The following CDH8 variants were observed in gnomAD, a reference collection of about 807,000 sequenced individuals.
The protein encoded by CDH8 is cadherin-8.
Under a neutral mutation model 68.1 loss-of-function variants are expected in CDH8, and 17 were observed. That is an observed-to-expected ratio of 0.25 (90% CI 0.17 to 0.37). The LOEUF is 0.37. CDH8 is among the 10% of genes least tolerant of loss of function. CDH8 has a pLI of 1.00. For missense variants in CDH8, 763 were observed against 999.3 expected, an observed-to-expected ratio of 0.76 and a Z score of 3.19; for synonymous variants, 372 against 365.1, an observed-to-expected ratio of 1.02 and a Z score of -0.21.
chr16:61,742,107 T>C (rs1292773932), intron 8 of CDH8, among the ~76,000 whole-genome samples: 1 of 152,168 alleles, frequency 6.6e-6, no homozygotes, highest in African/African-American at 2.4e-5. Context: ...TTGCATCAGA[T>C]TGTTTTGCTA....
At chr16:61,960,029 C>CATACATATATGTGTGTGTAT (rs1175040440) in intron 2 of CDH8, among the ~76,000 whole-genome samples, 1 of 104,940 alleles carries the variant, frequency 9.5e-6, no homozygotes, top group African/African-American at 4.3e-5. Flanking sequence ...CACATACACA[C>CATACATATATGTGTGTGTAT]ACACACACAA....
chr16:61,881,953 A>G (rs1963586849), intron 3 of CDH8, among the ~76,000 whole-genome samples: 1 of 152,184 alleles, frequency 6.6e-6, no homozygotes, highest in Admixed American at 6.5e-5. Context: ...TTCCCCCTTT[A>G]AATTGGCTTC....
chr16:61,887,091 A>G (rs13335770), intron 3 of CDH8, among the ~76,000 whole-genome samples: 31,558 of 152,148 alleles, frequency 0.21, 3,661 homozygotes, highest in African/African-American at 0.32. Context: ...CAATAGGAAT[A>G]AGTAGGTAAC....
At chr16:61,660,184 G>A (rs1963527928) in intron 10 of CDH8, among the ~76,000 whole-genome samples, 1 of 152,118 alleles carries the variant, frequency 6.6e-6, no homozygotes, top group Non-Finnish European at 1.5e-5. Flanking sequence ...TCAGAGGACA[G>A]TTCCCAGTTT....
chr16:61,840,943 CT>C (rs1271215235), intron 4 of CDH8, among the ~76,000 whole-genome samples: 1 of 151,682 alleles, frequency 6.6e-6, no homozygotes, highest in Non-Finnish European at 1.5e-5. Flanking sequence ...AATAAAATAA[CT>C]TTTTTTAAAA....
chr16:61,783,866 C>T (rs1961157107), intron 8 of CDH8, among the ~76,000 whole-genome samples: 2 of 152,144 alleles, frequency 1.3e-5, no homozygotes, highest in South Asian at 4.1e-4. Context: ...AAATAAAATA[C>T]TTTACAGACA....
intron 10 of CDH8, among the ~76,000 whole-genome samples, chr16:61,700,677 A>G (rs1964411395): frequency 6.6e-6 from 1 of 152,198 alleles, no homozygotes; most frequent in African/African-American, 2.4e-5. Context: ...ACTTATATGT[A>G]GAAGCTAAAA....
At chr16:61,858,495 G>A (rs1963090901) in intron 3 of CDH8, among the ~76,000 whole-genome samples, 1 of 152,154 alleles carries the variant, frequency 6.6e-6, no homozygotes, top group Admixed American at 6.6e-5. Context: ...AAACATAATG[G>A]TTATTGAATA....
intron 4 of CDH8, 34 bp downstream of exon 4, chr16:61,857,085 A>C: frequency 6.2e-7 from 1 of 1,611,742 alleles, no homozygotes; most frequent in South Asian, 1.1e-5. Context: ...AAGCAAAAAC[A>C]TGGCAAATAT....
chr16:61,981,681 T>TGCGC (rs1555526842), intron 2 of CDH8, among the ~76,000 whole-genome samples: 6 of 141,758 alleles, frequency 4.2e-5, no homozygotes, highest in African/African-American at 1.7e-4. Context: ...TGTGTGTGTG[T>TGCGC]GCGCGCGCGC....
chr16:61,675,429 C>T (rs1452487968), intron 10 of CDH8, among the ~76,000 whole-genome samples: 4 of 128,368 alleles, frequency 3.1e-5, no homozygotes, highest in Non-Finnish European at 4.7e-5. Flanking sequence ...AAGGGGAATA[C>T]CACACTCTGG....
chr16:62,016,177 T>A (rs900072074), intron 2 of CDH8, among the ~76,000 whole-genome samples: 6 of 152,212 alleles, frequency 3.9e-5, no homozygotes, highest in African/African-American at 1.2e-4. Context: ...TTCCTCTGTA[T>A]ATGCTTCAAG....
chr16:61,760,350 C>T (rs1038101323), intron 8 of CDH8, among the ~76,000 whole-genome samples: 19 of 151,806 alleles, frequency 1.3e-4, no homozygotes, highest in African/African-American at 3.9e-4. Context: ...CTCACTCAGT[C>T]GCCCAAGCTG....
At chr16:62,002,913 C>CATG (rs1189239521) in intron 2 of CDH8, among the ~76,000 whole-genome samples, 5 of 152,062 alleles carry the variant, frequency 3.3e-5, no homozygotes, top group Non-Finnish European at 7.4e-5. Context: ...ATTAGCTGGG[C>CATG]GTGGCGGCAG....
At chr16:61,809,186 C>CA (rs955608409) in intron 7 of CDH8, among the ~76,000 whole-genome samples, 78 of 113,614 alleles carry the variant, frequency 6.9e-4, no homozygotes, top group Middle Eastern at 9.6e-3. Flanking sequence ...AACTCCATCT[C>CA]AAAAAAAAAA....
intron 8 of CDH8, among the ~76,000 whole-genome samples, chr16:61,778,756 C>T (rs79216579): frequency 0.043 from 6,564 of 152,104 alleles, 391 homozygotes; most frequent in East Asian, 0.24. Context: ...AAATAATGTA[C>T]CCAAGGTTAT....
intron 10 of CDH8, among the ~76,000 whole-genome samples, chr16:61,657,265 T>C (rs1963466559): frequency 6.6e-6 from 1 of 152,112 alleles, no homozygotes; most frequent in Non-Finnish European, 1.5e-5. Context: ...TATAGCACTA[T>C]ACTAGGATTT....
intron 2 of CDH8, among the ~76,000 whole-genome samples, chr16:61,952,586 G>A (rs1287878675): frequency 6.6e-6 from 1 of 152,122 alleles, no homozygotes; most frequent in Admixed American, 6.6e-5. Flanking sequence ...GAAAACCATG[G>A]AGGAAACAAT....
chr16:61,979,051 G>T (rs1386300549), intron 2 of CDH8, among the ~76,000 whole-genome samples: 1 of 138,080 alleles, frequency 7.2e-6, no homozygotes, highest in Non-Finnish European at 1.6e-5. Context: ...TTTGCTTCTA[G>T]AAAGAAAAAA....
Sources: gnomAD v4.1 joint callset for allele counts (sites outside exome capture counted in the v4.1 genomes callset) on GRCh38, gnomAD v4.1.1 for gene constraint, MANE v1.5 for transcripts, NCBI Gene and HGNC (gene_info 2026-07-23, HGNC 2026-07-21) for gene names.